The following CNTROB variants were observed in gnomAD, a reference collection of about 807,000 sequenced individuals.
CNTROB encodes centrobin, centriole duplication and spindle assembly protein, also known as centrobin.
In CNTROB, 82 loss-of-function variants were observed where a neutral mutation model predicts 115.7. That is an observed-to-expected ratio of 0.71 (90% CI 0.59 to 0.85). The LOEUF is 0.85. Ranked by LOEUF, CNTROB falls within the 40% of genes least tolerant of loss-of-function variation. CNTROB has a pLI of 0.00. For synonymous variants in CNTROB, 439 were observed against 456.4 expected, an observed-to-expected ratio of 0.96 and a Z score of 0.49; for missense variants, 1,014 against 1,144.4, an observed-to-expected ratio of 0.89 and a Z score of 1.64.
Position 7,935,358 on chromosome 17 carries a change from C to T in CNTROB, c.594+213C>T, listed in dbSNP as rs199884746. ...TCTACTAAAAATAGAAAAAATTAGC[C>T]GGGCATGGTGGTGGGTGCCTGTAGT... is the stretch of plus-strand genomic sequence containing the variant. On this transcript the variant is annotated intron_variant, in intron 4 of 18. Transcript: ENST00000563694. Among the ~76,000 whole-genome samples, 20 of 152,168 alleles carry T rather than the reference C, an allele frequency of 1.3e-4. No individual in the cohort carries two copies. In the East Asian group the frequency reaches 3.3e-3, roughly 25 times the overall value.
intron 9 of CNTROB, among the ~76,000 whole-genome samples, chr17:7,941,336 A>G (rs1461557107): frequency 6.6e-6 from 1 of 152,194 alleles, no homozygotes; most frequent in Non-Finnish European, 1.5e-5. Flanking sequence ...ATGGTGGCTC[A>G]TGCCTGTAAT....
chr17:7,947,510 T>C, intron 13 of CNTROB, 61 bp from the exon 14 acceptor site: 2 of 1,469,390 alleles, frequency 1.4e-6, no homozygotes, highest in Non-Finnish European at 1.8e-6. Context: ...AGTTGATTTG[T>C]GGAGAAGCCC....
At position 7,949,414 on chromosome 17, in the gene CNTROB, T is replaced by C. The variant is rs1447051805; in HGVS notation, c.2616T>C (p.Leu872=). Residue 872 remains leucine, a synonymous_variant, in exon 19 of 19, where the codon CTT becomes CTC. Transcript: ENST00000563694. ...CCTCCCAGGCTGTCCCTCGCCGCCTTGCTACAGCCCCCAAGACTGAAAAAC... is the reference window on the plus strand; with the variant it reads ...CCTCCCAGGCTGTCCCTCGCCGCCTCGCTACAGCCCCCAAGACTGAAAAAC... ...EIPSQAVPRR[L]ATAPKTEKPP... The C allele has an allele frequency of 5.6e-6, 9 of 1,614,102 alleles. No homozygotes were observed. Among genetic ancestry groups the C allele is most frequent in the Non-Finnish European group, 6.8e-6 (8 of 1,180,002 alleles).
chr17:7,943,684 G>A lies in CNTROB; in HGVS notation c.1445+160G>A. 1.4e-6 allele frequency: 1 copy of A among 727,502 alleles called. No individual in the cohort carries two copies. The highest frequency in any genetic ancestry group is 2.2e-6 in the Non-Finnish European group (1 of 462,674). 45.1% of individuals were successfully genotyped at this position (727,502 alleles called of 1,614,324 possible). On this transcript the variant is annotated intron_variant, in intron 10 of 18. Transcript: ENST00000563694. The surrounding 1 kb of genome is among the most constrained non-coding windows in gnomAD (Gnocchi z 4.7). ...GACCTGAGTCTCTCTCGGGAGGGCTGCCTTCACGCGTTCATGGAGAGCCAG... is the reference window on the plus strand; with the variant it reads ...GACCTGAGTCTCTCTCGGGAGGGCTACCTTCACGCGTTCATGGAGAGCCAG...
Position 7,948,568 on chromosome 17 carries a change from C to T in CNTROB, c.2462C>T (p.Ala821Val). Reference protein sequence around the residue: ...LRLYQARGWGALPAEDLLLYL... With the variant: ...LRLYQARGWGVLPAEDLLLYL... ...CTCTACCAGGCTCGGGGCTGGGGGG[C>T]TCTGCCTGCTGAGGATCTCCTGCTC... Residue 821 changes from alanine (A) to valine (V), a missense_variant, in exon 17 of 19, where the codon GCT (alanine) becomes GTT (valine). Transcript: ENST00000563694. The surrounding 1 kb of genome is among the most constrained non-coding windows in gnomAD (Gnocchi z 4.4). 1.2e-6 allele frequency: 2 copies of T among 1,614,124 alleles called. No individual in the cohort carries two copies. The highest frequency in any genetic ancestry group is 2.2e-5 in the South Asian group (2 of 91,086).
At chr17:7,934,081 A>G (rs2151733043) in intron 1 of CNTROB, 57 bp from the exon 2 acceptor site, 3 of 1,438,432 alleles carry the variant, frequency 2.1e-6, no homozygotes, top group Non-Finnish European at 2.9e-6. Context: ...TACCCTGGCA[A>G]TAGGTAGGAG....
rs894956915 is a variant in CNTROB at position 7,936,107 on chromosome 17, T to C, written c.595-259T>C. ...TCTGCCAAAAGGTTTATGGGATTTT[T>C]ACTCAGGAGATCCAGGAAAAGGAGG... On this transcript the variant is annotated intron_variant, in intron 4 of 18. Coordinates refer to ENST00000563694, the MANE Select transcript of CNTROB (RefSeq NM_053051.5). 15 of 444,358 alleles carry C rather than the reference T, an allele frequency of 3.4e-5. No individual in the cohort carries two copies. In the South Asian group the frequency reaches 3.8e-4, roughly 11 times the overall value. The allele number at this position is 444,358 out of a possible 1,614,324, so 27.5% of individuals were successfully genotyped here.
intron 9 of CNTROB, among the ~76,000 whole-genome samples, chr17:7,940,582 G>T (rs1973739257): frequency 6.6e-6 from 1 of 152,072 alleles, no homozygotes; most frequent in South Asian, 2.1e-4. Flanking sequence ...GATTCCAATT[G>T]TAACAGTGTG....
chr17:7,946,869 T>TA (rs35177972), intron 13 of CNTROB, among the ~76,000 whole-genome samples: 152 of 145,166 alleles, frequency 1.0e-3, no homozygotes, highest in Admixed American at 1.5e-3. Flanking sequence ...CTCTGTCTCT[T>TA]AAAAAAAAAA....
At position 7,940,202 on chromosome 17, in the gene CNTROB, G is replaced by A. The variant is rs564358998; in HGVS notation, c.1271G>A (p.Arg424Lys). The A allele has an allele frequency of 2.5e-6, 4 of 1,612,110 alleles. No individual in the cohort carries two copies. Among genetic ancestry groups the A allele is most frequent in the Non-Finnish European group, 2.5e-6 (3 of 1,179,674 alleles). Residue 424 changes from arginine to lysine, a missense_variant, in exon 9 of 19, where the codon AGA (arginine) becomes AAA (lysine). Coordinates refer to ENST00000563694, the MANE Select transcript of CNTROB (RefSeq NM_053051.5). ...RLEGELDTARRERDALQLEMS... is the reference protein window; with the variant it reads ...RLEGELDTARKERDALQLEMS... ...GAAGGAGAGCTGGATACAGCTCGGA[G>A]AGAGAGAGATGCCCTGCAGCTGGAA...
In CNTROB at chr17:7,933,171, C is replaced by A. The variant is rs774781412; in HGVS notation, c.92C>A (p.Ser31Ter). 1 of 1,614,102 alleles carries A rather than the reference C, an allele frequency of 6.2e-7. No individual in the cohort carries two copies. The highest frequency in any genetic ancestry group is 8.5e-7 in the Non-Finnish European group (1 of 1,180,030). The change falls in exon 1 of 19, where the codon TCG becomes TAG. Residue 31 changes from serine (S) to a stop codon, truncating the protein, a stop_gained. Transcript: ENST00000563694. LOFTEE classifies it high-confidence loss of function. ...SSEPPGLNQV[S>*]SEVTSQLYAS... ...GAACCCCCTGGGCTCAACCAAGTGT[C>A]GTCTGAAGTGACCTCCCAGCTCTAT...
intron 3 of CNTROB, 42 bp from the exon 4 acceptor site, chr17:7,934,947 A>G: frequency 6.5e-7 from 1 of 1,528,464 alleles, no homozygotes; most frequent in South Asian, 1.3e-5. Flanking sequence ...GTGGATTCCA[A>G]AAGCTTTCCC....
At chr17:7,936,023 C>T (rs887453080) in intron 4 of CNTROB, 1 of 236,776 alleles carries the variant, frequency 4.2e-6, no homozygotes, top group Non-Finnish European at 8.4e-6. Context: ...TCATTGTGTC[C>T]AATGAGCTTC....
At chr17:7,947,842 G>T (rs972854007) in intron 14 of CNTROB, 74 bp from the exon 15 acceptor site, 11 of 1,609,668 alleles carry the variant, frequency 6.8e-6, no homozygotes, top group Non-Finnish European at 9.3e-6. Context: ...CTTTGTCCCA[G>T]CTTCTTCTCT....
rs756345713 is a variant in CNTROB, at chr17:7,948,665, G to A, written c.2513+46G>A. On this transcript the variant is annotated intron_variant, in intron 17 of 18. Coordinates refer to ENST00000563694, the MANE Select transcript of CNTROB (RefSeq NM_053051.5). This position sits in a 1 kb window ranked among gnomAD's most constrained non-coding sequence, Gnocchi z 4.4. ...AGGAAGGATTCTCCGGGTGGAAGCT[G>A]GATTATGGGGAGTGGAGTGGGTGTG... 1.4e-5 allele frequency: 22 copies of A among 1,613,942 alleles called. No individual in the cohort carries two copies. The highest frequency in any genetic ancestry group is 1.8e-5 in the Non-Finnish European group (21 of 1,179,982).
intron 9 of CNTROB, 33 bp downstream of exon 9, chr17:7,940,275 C>G (rs757028087): frequency 6.4e-7 from 1 of 1,568,380 alleles, no homozygotes; most frequent in Non-Finnish European, 8.6e-7. Context: ...AGGTTTTGTT[C>G]TGACAGAAGT....
Position 7,948,932 on chromosome 17 carries a change from A to T in CNTROB, c.2514-153A>T, listed in dbSNP as rs1375055569. The stretch of plus-strand genomic sequence containing the variant: ...GACTAGCTAGTGTAACTCGTTATTT[A>T]CTTCCACTAATGTCTCCTCCCAGTT... On this transcript the variant is annotated intron_variant, in intron 17 of 18. Coordinates refer to ENST00000563694, the MANE Select transcript of CNTROB (RefSeq NM_053051.5). This position sits in a 1 kb window ranked among gnomAD's most constrained non-coding sequence, Gnocchi z 4.4. 6.6e-7 allele frequency: 1 copy of T among 1,518,918 alleles called. No homozygotes were observed. Among genetic ancestry groups the T allele is most frequent in the African/African-American group, 1.4e-5 (1 of 72,318 alleles). The allele number at this position is 1,518,918 out of a possible 1,614,324, so 94.1% of individuals were successfully genotyped here.
Position 7,932,731 on chromosome 17 carries a change from C to T in CNTROB, c.-349C>T. The stretch of plus-strand genomic sequence containing the variant: ...CTCAGTTGACCGGGGATAGCCTGTG[C>T]CGGAGTTGATCTGCAGCTTCCAGCA... On this transcript the variant is annotated 5_prime_UTR_variant, in exon 1 of 19. Transcript: ENST00000563694. 4.0e-6 allele frequency: 1 copy of T among 248,848 alleles called. No homozygotes were observed. The highest frequency in any genetic ancestry group is 7.7e-6 in the Non-Finnish European group (1 of 130,542). 15.4% of individuals were successfully genotyped at this position (248,848 alleles called of 1,614,324 possible).
At position 7,937,248 on chromosome 17, in the gene CNTROB, G is replaced by T; in HGVS notation, c.913G>T (p.Glu305Ter). Residue 305 changes from glutamate to a stop codon, truncating the protein, a stop_gained, in exon 7 of 19, where the codon GAA becomes TAA. Coordinates refer to ENST00000563694, the MANE Select transcript of CNTROB (RefSeq NM_053051.5). LOFTEE classifies it high-confidence loss of function. ...GGAAAGTGCCAGACTGCAGCAACGG[G>T]AAAGAGAGACACTGGTGAGAAGATT... ...EQESARLQQR[E>*]RETLEEERQA... 6.2e-7 allele frequency: 1 copy of T among 1,614,078 alleles called. No individual in the cohort carries two copies. The highest frequency in any genetic ancestry group is 8.5e-7 in the Non-Finnish European group (1 of 1,179,974).
Sources: allele counts gnomAD v4.1 joint callset (sites outside exome capture counted in the v4.1 genomes callset), GRCh38; gene constraint gnomAD v4.1.1; non-coding constraint Gnocchi (gnomAD v3.1); transcripts MANE v1.5; gene names NCBI Gene and HGNC (gene_info 2026-07-23, HGNC 2026-07-21).